KCNQ5: variants seen among roughly 807,000 people sequenced by gnomAD.
KCNQ5 encodes the protein potassium voltage-gated channel subfamily Q member 5, also known as potassium voltage-gated channel subfamily KQT member 5.
KCNQ5 carries 30 observed loss-of-function variants against 98.2 expected under a neutral mutation model. That is an observed-to-expected ratio of 0.31 (90% confidence interval 0.23 to 0.41). KCNQ5 has a LOEUF of 0.41. Among genes scored for constraint, KCNQ5 ranks in the 10% least tolerant of loss-of-function variants. KCNQ5 has a pLI of 1.00. For missense variants in KCNQ5, 835 were observed against 1,182.5 expected, an observed-to-expected ratio of 0.71 and a Z score of 4.31; for synonymous variants, 458 against 449.4, an observed-to-expected ratio of 1.02 and a Z score of -0.24.
At chr6:72,660,069 G>A (rs1453757104) in intron 1 of KCNQ5, among the ~76,000 whole-genome samples, 1 of 152,048 alleles carries the variant, frequency 6.6e-6, no homozygotes, top group Non-Finnish European at 1.5e-5. Flanking sequence ...CCTAAGCCAG[G>A]TCATATATTT....
intron 8 of KCNQ5, among the ~76,000 whole-genome samples, chr6:73,120,975 T>G (rs1775723778): frequency 6.6e-6 from 1 of 152,312 alleles, no homozygotes; most frequent in South Asian, 2.1e-4. Flanking sequence ...AATCCATCTT[T>G]GTACGTTTAG....
intron 1 of KCNQ5, among the ~76,000 whole-genome samples, chr6:72,641,044 A>T (rs547903067): frequency 6.6e-6 from 1 of 152,280 alleles, no homozygotes; most frequent in African/African-American, 2.4e-5. Context: ...AATTTCCATG[A>T]CTTTTCTTTC....
intron 1 of KCNQ5, among the ~76,000 whole-genome samples, chr6:72,635,538 A>G (rs1252246740): frequency 3.9e-5 from 6 of 151,930 alleles, no homozygotes; most frequent in Non-Finnish European, 7.4e-5. Context: ...TCTTTACACT[A>G]GTGTGAATAC....
chr6:73,169,066 C>G (rs961285659), intron 10 of KCNQ5, among the ~76,000 whole-genome samples: 2 of 152,190 alleles, frequency 1.3e-5, no homozygotes, highest in Non-Finnish European at 2.9e-5. Context: ...GAGCTTATTC[C>G]TTATTTGCTT....
chr6:73,017,362 T>G (rs1025553183), intron 2 of KCNQ5, among the ~76,000 whole-genome samples: 58 of 152,052 alleles, frequency 3.8e-4, no homozygotes, highest in African/African-American at 1.1e-3. Context: ...GTCATTTTTT[T>G]ATCTTGGAGA....
intron 1 of KCNQ5, among the ~76,000 whole-genome samples, chr6:72,667,455 A>G (rs895030561): frequency 2.6e-5 from 4 of 152,192 alleles, no homozygotes; most frequent in South Asian, 4.1e-4. Flanking sequence ...GAAAATCACC[A>G]TTAGATAAAT....
rs1002694913 is a variant in KCNQ5, at chr6:72,638,603, T to G, written c.398+16016T>G. Among the ~76,000 whole-genome samples, 14 of 152,272 alleles carry G rather than the reference T, an allele frequency of 9.2e-5. 1 individual carries two copies. Among genetic ancestry groups the G allele is most frequent in the African/African-American group, 3.1e-4 (13 of 41,554 alleles). On this transcript the variant is annotated intron_variant, in intron 1 of 13. Transcript: ENST00000370398. ...AATTGTCATCATGAAGGATTGTACT[T>G]TTTTTCTCCAAAACAGGTTAAAGGC...
chr6:72,995,660 A>G (rs1443816922), intron 1 of KCNQ5, among the ~76,000 whole-genome samples: 1 of 152,186 alleles, frequency 6.6e-6, no homozygotes, highest in Non-Finnish European at 1.5e-5. Flanking sequence ...GTTTGTAAAG[A>G]AATTCGGAAG....
chr6:72,948,847 T>C (rs1766667065), intron 1 of KCNQ5, among the ~76,000 whole-genome samples: 1 of 152,148 alleles, frequency 6.6e-6, no homozygotes, highest in Non-Finnish European at 1.5e-5. Context: ...TCCTTGAAAT[T>C]TCTTAGGATA....
intron 1 of KCNQ5, among the ~76,000 whole-genome samples, chr6:72,999,660 A>G (rs768981642): frequency 3.3e-5 from 5 of 152,216 alleles, no homozygotes; most frequent in Non-Finnish European, 7.3e-5. Flanking sequence ...ACTATGAACC[A>G]TTCCTCAAAT....
At chr6:72,711,960 G>T (rs1423262921) in intron 1 of KCNQ5, among the ~76,000 whole-genome samples, 1 of 152,180 alleles carries the variant, frequency 6.6e-6, no homozygotes, top group African/African-American at 2.4e-5. Flanking sequence ...CTGGAGCTCA[G>T]AGAACAGATG....
At chr6:73,008,225 A>G (rs910094682) in intron 2 of KCNQ5, among the ~76,000 whole-genome samples, 2 of 152,164 alleles carry the variant, frequency 1.3e-5, no homozygotes, top group African/African-American at 4.8e-5. Flanking sequence ...AAGTATATGT[A>G]AAACAAAGAG....
intron 1 of KCNQ5, among the ~76,000 whole-genome samples, chr6:72,642,420 A>T (rs753932486): frequency 6.6e-6 from 1 of 152,030 alleles, no homozygotes; most frequent in African/African-American, 2.4e-5. Context: ...TGCTGCACAG[A>T]TCAACCCTAT....
In KCNQ5 at chr6:72,814,637, T is replaced by A. The variant is rs73756527; in HGVS notation, c.399-189271T>A. On this transcript the variant is annotated intron_variant, in intron 1 of 13. Transcript: ENST00000370398. ...GCTCTTTGTTTCTGTGTCAAATCCTTGGCAGTAAATTAATTTTTTAATTCA... is the reference window on the plus strand; with the variant it reads ...GCTCTTTGTTTCTGTGTCAAATCCTAGGCAGTAAATTAATTTTTTAATTCA... Among the ~76,000 whole-genome samples the A allele has an allele frequency of 3.1e-3, 468 of 152,306 alleles. 1 individual carries two copies. The highest frequency in any genetic ancestry group is 0.01 in the African/African-American group (436 of 41,572).
chr6:72,723,174 A>C (rs1436067453), intron 1 of KCNQ5, among the ~76,000 whole-genome samples: 1 of 152,176 alleles, frequency 6.6e-6, no homozygotes, highest in Non-Finnish European at 1.5e-5. Context: ...GTAGTCTTTT[A>C]TTTCACTTCT....
intron 1 of KCNQ5, among the ~76,000 whole-genome samples, chr6:72,809,029 G>A (rs1775097458): frequency 6.6e-6 from 1 of 151,366 alleles, no homozygotes; most frequent in South Asian, 2.1e-4. Flanking sequence ...AAGAAAATGT[G>A]GCACATATAC....
intron 1 of KCNQ5, among the ~76,000 whole-genome samples, chr6:72,628,600 ATCTT>A: frequency 6.6e-6 from 1 of 151,916 alleles, no homozygotes; most frequent in Non-Finnish European, 1.5e-5. Context: ...AGCCAAAGTT[ATCTT>A]TCTTTCTTTC....
intron 1 of KCNQ5, among the ~76,000 whole-genome samples, chr6:72,858,386 C>CT (rs1256667518): frequency 6.6e-6 from 1 of 152,024 alleles, no homozygotes; most frequent in East Asian, 1.9e-4. Flanking sequence ...ACTTCATACT[C>CT]TTTTTTCCAA....
chr6:72,726,070 A>G (rs1426184987), intron 1 of KCNQ5, among the ~76,000 whole-genome samples: 3 of 150,312 alleles, frequency 2.0e-5, no homozygotes, highest in Non-Finnish European at 4.4e-5. Flanking sequence ...AAACATCCTC[A>G]TCTCACATTA....
Sources: gnomAD v4.1 joint callset for allele counts (sites outside exome capture counted in the v4.1 genomes callset) on GRCh38, gnomAD v4.1.1 for gene constraint, MANE v1.5 for transcripts, NCBI Gene and HGNC (gene_info 2026-07-23, HGNC 2026-07-21) for gene names.